Variants in SHCBP1 observed in about 807,000 individuals in gnomAD.
The protein encoded by SHCBP1 is SHC SH2 domain-binding protein 1.
SHCBP1 carries 60 observed loss-of-function variants against 75.1 expected under a neutral mutation model. That is an observed-to-expected ratio of 0.80 (90% CI 0.65 to 0.99). The LOEUF is 0.99. Ranked by LOEUF, SHCBP1 falls within the 50% of genes least tolerant of loss-of-function variation. The pLI is 0.00. For missense variants in SHCBP1, 709 were observed against 809.4 expected (o/e 0.88, Z 1.50); for synonymous variants, 290 against 293.2 (o/e 0.99, Z 0.11).
At chr16:46,599,768 T>C (rs1256316140) in intron 9 of SHCBP1, 63 bp downstream of exon 9, 1 of 1,381,222 alleles carries the variant, frequency 7.2e-7, no homozygotes, top group South Asian at 1.4e-5. Flanking sequence ...CTATCTTCCA[T>C]AGAGAGAACC....
At chr16:46,621,124 G>T in intron 1 of SHCBP1, 133 bp downstream of exon 1, 1 of 746,526 alleles carries the variant, frequency 1.3e-6, no homozygotes, top group Non-Finnish European at 2.0e-6. Flanking sequence ...CTGGGTCCCG[G>T]CCGCGCACCG....
In SHCBP1 at chr16:46,579,326, T is replaced by C. The variant is rs368992701; in HGVS notation, c.*2403A>G. ...ATTTGAGATGTTTAACTCTCCATGATTGAGGCAAAATGTACTGCATATAAC... is the reference window on the plus strand; with the variant it reads ...ATTTGAGATGTTTAACTCTCCATGACTGAGGCAAAATGTACTGCATATAAC... On this transcript the variant is annotated 3_prime_UTR_variant, in exon 13 of 13. Coordinates refer to ENST00000303383, the MANE Select transcript of SHCBP1 (RefSeq NM_024745.5). 3.9e-5 allele frequency among the ~76,000 whole-genome samples: 6 copies of C among 152,172 alleles called. No individual in the cohort carries two copies. Among genetic ancestry groups the C allele is most frequent in the East Asian group, 3.9e-4 (2 of 5,194 alleles).
chr16:46,595,625 C>T lies in SHCBP1; in HGVS notation c.1391G>A (p.Cys464Tyr). The change falls in exon 10 of 13, where the codon TGT (cysteine) becomes TAT (tyrosine). Residue 464 changes from cysteine (C) to tyrosine (Y), a missense_variant. Transcript: ENST00000303383. ...KTTLENCVLQ[C>Y]ETTGVTVRTS... is the part of the protein sequence containing the mutation. ...CCGCACTGTGACTCCGGTCGTCTCA[C>T]ACTGCAGCACACAGTTTTCCAGCGT... is the stretch of plus-strand genomic sequence containing the variant. 1.2e-6 allele frequency: 2 copies of T among 1,614,194 alleles called. No homozygotes were observed. Among genetic ancestry groups the T allele is most frequent in the Non-Finnish European group, 1.7e-6 (2 of 1,180,030 alleles).
chr16:46,603,737 G>T, intron 7 of SHCBP1, 78 bp from the exon 8 acceptor site: 1 of 1,565,808 alleles, frequency 6.4e-7, no homozygotes. Flanking sequence ...GTGACTTCAT[G>T]TCTTACTTTG....
At chr16:46,586,937 T>C (rs900266238) in intron 10 of SHCBP1, among the ~76,000 whole-genome samples, 2 of 151,908 alleles carry the variant, frequency 1.3e-5, no homozygotes, top group South Asian at 2.1e-4. Flanking sequence ...CGTATCTTCA[T>C]AGAATGACTA....
rs747865264 is a variant in SHCBP1 at position 46,608,309 on chromosome 16, G to A, written c.677C>T (p.Pro226Leu). The A allele has an allele frequency of 5.6e-6, 9 of 1,610,984 alleles. No individual in the cohort carries two copies. The African/African-American group carries it at 1.2e-4, about 22-fold the overall frequency. ...EYDYFVRCVE[P>L]RLRLHYDILE... ...AATAAATACTTACAATCTTAATCGA[G>A]GTTCAACACATCTGACAAAATAATC... The change falls in exon 5 of 13, where the codon CCT (proline) becomes CTT (leucine). Residue 226 changes from proline to leucine, a missense_variant. By Grantham distance (98) the Pro-to-Leu change is moderately conservative (BLOSUM62 -3). Coordinates refer to ENST00000303383, the MANE Select transcript of SHCBP1 (RefSeq NM_024745.5).
intron 10 of SHCBP1, among the ~76,000 whole-genome samples, chr16:46,585,875 C>T (rs1964948231): frequency 1.3e-5 from 2 of 152,134 alleles, no homozygotes; most frequent in South Asian, 4.1e-4. Context: ...CCCTACATAG[C>T]AGTAAGAAGG....
intron 8 of SHCBP1, 31 bp downstream of exon 8, chr16:46,603,508 G>C: frequency 6.2e-7 from 1 of 1,613,366 alleles, no homozygotes; most frequent in South Asian, 1.1e-5. Context: ...TATCACGTGT[G>C]AGAGTTTGGT....
At chr16:46,606,076 T>G (rs1024336349) in intron 5 of SHCBP1, among the ~76,000 whole-genome samples, 1 of 152,154 alleles carries the variant, frequency 6.6e-6, no homozygotes, top group Admixed American at 6.5e-5. Flanking sequence ...AATTTTAAAA[T>G]AAGTCTCTTA....
intron 4 of SHCBP1, among the ~76,000 whole-genome samples, chr16:46,615,507 A>G (rs1358934786): frequency 6.6e-6 from 1 of 152,208 alleles, no homozygotes; most frequent in Non-Finnish European, 1.5e-5. Context: ...TGGGAGGCCA[A>G]GGCAGGTGGA....
At position 46,599,856 on chromosome 16, in the gene SHCBP1, C is replaced by G; in HGVS notation, c.1320G>C (p.Gln440His). The part of the protein sequence containing the change: ...DIKISGIKFV[Q>H]HDAVEGILIV... ...TTAAGATTCCCTCTACAGCATCATG[C>G]TGAACAAATTTTATGCCTGAGATTT... The change falls in exon 9 of 13, where the codon CAG becomes CAC. Residue 440 changes from glutamine to histidine, a missense_variant. Gln to His is a conservative substitution (Grantham distance 24, BLOSUM62 0). Coordinates refer to ENST00000303383, the MANE Select transcript of SHCBP1 (RefSeq NM_024745.5). The G allele has an allele frequency of 6.2e-7, 1 of 1,611,404 alleles. No homozygotes were observed. Among genetic ancestry groups the G allele is most frequent in the Non-Finnish European group, 8.5e-7 (1 of 1,179,288 alleles).
At chr16:46,593,967 G>C (rs1312026066) in intron 10 of SHCBP1, among the ~76,000 whole-genome samples, 3 of 152,070 alleles carry the variant, frequency 2.0e-5, no homozygotes, top group African/African-American at 7.2e-5. Context: ...AACAAAGTAG[G>C]AGAAATCACT....
intron 4 of SHCBP1, among the ~76,000 whole-genome samples, chr16:46,611,621 G>T (rs1187377240): frequency 6.6e-6 from 1 of 152,182 alleles, no homozygotes; most frequent in Non-Finnish European, 1.5e-5. Flanking sequence ...TTATTTAGAA[G>T]TTTGATGATG....
At chr16:46,604,932 T>G (rs1271928662) in intron 5 of SHCBP1, among the ~76,000 whole-genome samples, 1 of 152,204 alleles carries the variant, frequency 6.6e-6, no homozygotes, top group East Asian at 1.9e-4. Flanking sequence ...CTTTAAAAAT[T>G]TTTTTAAGGT....
chr16:46,613,238 A>T (rs1317346338), intron 4 of SHCBP1, among the ~76,000 whole-genome samples: 1 of 152,182 alleles, frequency 6.6e-6, no homozygotes, highest in Non-Finnish European at 1.5e-5. Flanking sequence ...AGGCAAGAGG[A>T]TGCCTTGAGC....
chr16:46,585,882 A>C (rs1348722496), intron 10 of SHCBP1, among the ~76,000 whole-genome samples: 1 of 152,140 alleles, frequency 6.6e-6, no homozygotes, highest in Non-Finnish European at 1.5e-5. Flanking sequence ...TAGCAGTAAG[A>C]AGGAGCTCCC....
intron 10 of SHCBP1, among the ~76,000 whole-genome samples, chr16:46,592,411 T>G (rs953694252): frequency 1.3e-5 from 2 of 152,142 alleles, no homozygotes; most frequent in African/African-American, 4.8e-5. Flanking sequence ...ATGAAATAGG[T>G]CATTTGAATA....
chr16:46,598,140 C>A (rs1965172210), intron 9 of SHCBP1, among the ~76,000 whole-genome samples: 1 of 152,168 alleles, frequency 6.6e-6, no homozygotes, highest in Non-Finnish European at 1.5e-5. Flanking sequence ...TTCTCCAGAA[C>A]CCCTGTTAAT....
At chr16:46,618,071 G>A in intron 2 of SHCBP1, 134 bp downstream of exon 2, 1 of 861,072 alleles carries the variant, frequency 1.2e-6, no homozygotes, top group Non-Finnish European at 1.8e-6. Flanking sequence ...AGCTACTAGG[G>A]AGGCTGAGGC....
Sources: allele counts gnomAD v4.1 joint callset (sites outside exome capture counted in the v4.1 genomes callset), GRCh38; gene constraint gnomAD v4.1.1; transcripts MANE v1.5; gene names NCBI Gene and HGNC (gene_info 2026-07-23, HGNC 2026-07-21).